MYRIP: variants seen among roughly 807,000 people sequenced by gnomAD.
The protein encoded by MYRIP is myosin VIIA and Rab interacting protein.
MYRIP carries 49 observed loss-of-function variants against 98.0 expected under a neutral mutation model. The ratio of observed to expected loss-of-function variants is 0.50; its 90% CI spans 0.40 to 0.63. MYRIP has a LOEUF of 0.63. MYRIP is among the 30% of genes least tolerant of loss of function. The probability of loss-of-function intolerance (pLI) is 0.00; values close to 1 mark genes in which losing one functional copy is unlikely to be tolerated. For synonymous variants in MYRIP, 404 were observed against 409.5 expected, an observed-to-expected ratio of 0.99 and a Z score of 0.16; for missense variants, 1,004 against 1,058.2, an observed-to-expected ratio of 0.95 and a Z score of 0.71.
intron 4 of MYRIP, among the ~76,000 whole-genome samples, chr3:40,154,780 A>G (rs929595130): frequency 3.9e-5 from 6 of 152,128 alleles, no homozygotes; most frequent in African/African-American, 1.4e-4. Context: ...GCTGCCATTT[A>G]TGAGAACAGA....
At chr3:39,999,774 G>C (rs147710007) in intron 2 of MYRIP, among the ~76,000 whole-genome samples, 10,470 of 152,104 alleles carry the variant, frequency 0.069, 451 homozygotes, top group East Asian at 0.16. Context: ...TTGGAACCAA[G>C]CCAAATGTCC....
At position 40,244,432 on chromosome 3, in the gene MYRIP, C is replaced by A; in HGVS notation, c.2101-14C>A. The stretch of plus-strand genomic sequence containing the variant: ...TCTGCAGACATGAACTCAAATGTAG[C>A]ACTGTCTCTACAGGTATACCTGGCA... On this transcript the variant is annotated splice_polypyrimidine_tract_variant and intron_variant, in intron 12 of 16. Transcript: ENST00000302541. 1 of 1,600,384 alleles carries A rather than the reference C, an allele frequency of 6.2e-7. No individual in the cohort carries two copies. Among genetic ancestry groups the A allele is most frequent in the Non-Finnish European group, 8.5e-7 (1 of 1,172,926 alleles).
At chr3:39,920,497 GAATTA>G (rs1944281144) in intron 2 of MYRIP, among the ~76,000 whole-genome samples, 1 of 152,132 alleles carries the variant, frequency 6.6e-6, no homozygotes. Flanking sequence ...TTTTTCATTT[GAATTA>G]GAGTCTCAGA....
At chr3:39,932,884 C>A (rs115841670) in intron 2 of MYRIP, among the ~76,000 whole-genome samples, 2,109 of 152,282 alleles carry the variant, frequency 0.014, 67 homozygotes, top group African/African-American at 0.047. Context: ...CTTAAACTTT[C>A]CTTGGAGCAT....
chr3:39,968,237 A>ATTTTTTTT (rs1945488575), intron 2 of MYRIP, among the ~76,000 whole-genome samples: 1 of 147,928 alleles, frequency 6.8e-6, no homozygotes. Flanking sequence ...TTTTTTTGAG[A>ATTTTTTTT]TATAGTGGCA....
chr3:39,893,323 C>T (rs144090399), intron 1 of MYRIP, among the ~76,000 whole-genome samples: 2 of 152,068 alleles, frequency 1.3e-5, no homozygotes, highest in Non-Finnish European at 1.5e-5. Context: ...TAATAGGAAC[C>T]TGAGTAATTG....
intron 1 of MYRIP, among the ~76,000 whole-genome samples, chr3:39,855,513 C>T (rs945666436): frequency 1.3e-5 from 2 of 152,040 alleles, no homozygotes; most frequent in Non-Finnish European, 2.9e-5. Context: ...CCTGCGGCCA[C>T]TATGGGGTGT....
At chr3:39,990,970 A>G (rs1946159574) in intron 2 of MYRIP, among the ~76,000 whole-genome samples, 1 of 152,110 alleles carries the variant, frequency 6.6e-6, no homozygotes, top group Non-Finnish European at 1.5e-5. Flanking sequence ...GGACACAGGA[A>G]GGGGAACATC....
intron 3 of MYRIP, among the ~76,000 whole-genome samples, chr3:40,049,322 A>G (rs4676460): frequency 0.39 from 59,204 of 151,934 alleles, 11,714 homozygotes; most frequent in East Asian, 0.58. Flanking sequence ...TCATGTCTCT[A>G]TGTCACGTTT....
At chr3:39,889,726 A>T (rs1943431391) in intron 1 of MYRIP, among the ~76,000 whole-genome samples, 1 of 152,104 alleles carries the variant, frequency 6.6e-6, no homozygotes, top group Non-Finnish European at 1.5e-5. Flanking sequence ...TTTGCTTATA[A>T]TGTTGTTTAT....
chr3:39,945,485 AAAAAAAG>A (rs1350071684), intron 2 of MYRIP, among the ~76,000 whole-genome samples: 10 of 131,990 alleles, frequency 7.6e-5, no homozygotes, highest in South Asian at 2.2e-4. Context: ...TCAAAAAAAA[AAAAAAAG>A]AAAAAAGAAA....
intron 3 of MYRIP, among the ~76,000 whole-genome samples, chr3:40,142,773 T>TA (rs1466937321): frequency 2.0e-5 from 3 of 152,186 alleles, no homozygotes; most frequent in African/African-American, 7.2e-5. Context: ...TGGAATCTTT[T>TA]AAAAAATAAG....
intron 3 of MYRIP, among the ~76,000 whole-genome samples, chr3:40,088,228 C>T (rs1948668745): frequency 6.6e-6 from 1 of 152,166 alleles, no homozygotes; most frequent in Admixed American, 6.5e-5. Context: ...TCAGTCTTTA[C>T]TAGTCTCCAA....
chr3:39,900,661 A>G, intron 1 of MYRIP, 126 bp from the exon 2 acceptor site: 1 of 497,686 alleles, frequency 2.0e-6, no homozygotes, highest in Non-Finnish European at 3.5e-6. Flanking sequence ...CTGAGTCAAG[A>G]GAAAGATACT....
chr3:39,974,208 A>T (rs1331392177), intron 2 of MYRIP, among the ~76,000 whole-genome samples: 1 of 152,156 alleles, frequency 6.6e-6, no homozygotes, highest in Non-Finnish European at 1.5e-5. Context: ...ATAAAAAATG[A>T]TAAAGGGGAT....
chr3:39,989,694 T>C (rs556515754), intron 2 of MYRIP, among the ~76,000 whole-genome samples: 1 of 152,220 alleles, frequency 6.6e-6, no homozygotes, highest in Non-Finnish European at 1.5e-5. Flanking sequence ...AGATCAGAGT[T>C]CTGTCCTTGA....
intron 3 of MYRIP, among the ~76,000 whole-genome samples, chr3:40,143,998 A>G (rs1203381883): frequency 1.3e-5 from 2 of 152,234 alleles, no homozygotes; most frequent in East Asian, 3.8e-4. Flanking sequence ...GAGTTTTGGT[A>G]TAAGCAATGA....
At chr3:40,212,162 A>ATATACATATATATACGTGTGTG in intron 11 of MYRIP, among the ~76,000 whole-genome samples, 1 of 9,752 alleles carries the variant, frequency 1.0e-4, no homozygotes, top group African/African-American at 1.8e-4. Flanking sequence ...ACGTGTATAT[A>ATATACATATATATACGTGTGTG]TATATACATA....
chr3:40,151,689 G>A (rs578241621), intron 4 of MYRIP, among the ~76,000 whole-genome samples: 1 of 152,286 alleles, frequency 6.6e-6, no homozygotes, highest in African/African-American at 2.4e-5. Flanking sequence ...TACCTATGCT[G>A]TTTTTATACA....
Sources: allele counts gnomAD v4.1 joint callset (sites outside exome capture counted in the v4.1 genomes callset), GRCh38; gene constraint gnomAD v4.1.1; transcripts MANE v1.5; gene names NCBI Gene and HGNC (gene_info 2026-07-23, HGNC 2026-07-21).